Variants in ZNF540 observed in about 807,000 individuals in gnomAD.
ZNF540 encodes zinc finger protein 540, also known as CTD-3064H18.6.
A neutral mutation model predicts 11.8 loss-of-function variants in ZNF540; 3 were observed. The observed-to-expected ratio is 0.25, with a 90% CI of 0.12 to 0.65. ZNF540 has a LOEUF of 0.65. Ranked by LOEUF, ZNF540 falls within the 30% of genes least tolerant of loss-of-function variation. The pLI is 0.83. For missense variants in ZNF540, 709 were observed against 793.1 expected (o/e 0.89, Z 1.27); for synonymous variants, 247 against 259.0 (o/e 0.95, Z 0.45).
At chr19:37,597,940 C>T (rs1369991203) in intron 1 of ZNF540, among the ~76,000 whole-genome samples, 2 of 152,240 alleles carry the variant, frequency 1.3e-5, no homozygotes, top group East Asian at 3.9e-4. Context: ...AGGTTGCAAA[C>T]TCCTAGTCTG....
chr19:37,599,784 C>CT (rs1405467496), intron 3 of ZNF540, 32 bp downstream of exon 3: 1 of 1,526,342 alleles, frequency 6.6e-7, no homozygotes, highest in Middle Eastern at 1.8e-4. Flanking sequence ...AATGTAGACT[C>CT]TGTTATCTGA....
At chr19:37,568,694 G>A (rs531163436) in intron 1 of ZNF540, among the ~76,000 whole-genome samples, 2 of 152,236 alleles carry the variant, frequency 1.3e-5, no homozygotes, top group Non-Finnish European at 2.9e-5. Flanking sequence ...CCAGAATGAG[G>A]AGTACATATA....
chr19:37,601,948 G>GC (rs765199070), intron 4 of ZNF540, among the ~76,000 whole-genome samples: 4 of 152,158 alleles, frequency 2.6e-5, no homozygotes, highest in Non-Finnish European at 5.9e-5. Flanking sequence ...GTGATTGAAA[G>GC]CCATAATCAA....
In ZNF540 at chr19:37,595,465, G is replaced by A. The variant is rs574464382; in HGVS notation, c.-73+370G>A. 2.0e-5 allele frequency: 3 copies of A among 152,296 alleles called. No homozygotes were observed. In the East Asian group the frequency reaches 5.8e-4, roughly 29 times the overall value. 9.4% of individuals were successfully genotyped at this position (152,296 alleles called of 1,614,324 possible). A position where few individuals can be genotyped will look rare whatever the true frequency, so the allele number is the denominator to read the frequency against. Reference sequence around the variant, plus strand: ...TAAGAAATTGATTTTTCTTTGCATGGTCATGAATTTAAAATAGATTCCCAT... The same window carrying A: ...TAAGAAATTGATTTTTCTTTGCATGATCATGAATTTAAAATAGATTCCCAT... On this transcript the variant is annotated intron_variant, in intron 1 of 4. Transcript: ENST00000316433.
intron 1 of ZNF540, chr19:37,566,218 C>T: frequency 1.9e-6 from 3 of 1,613,844 alleles, no homozygotes; most frequent in Non-Finnish European, 2.5e-6. Flanking sequence ...CCATATTCTC[C>T]CACTGGAGTG....
At chr19:37,584,134 G>T (rs748259461) in intron 1 of ZNF540, 2 of 1,612,506 alleles carry the variant, frequency 1.2e-6, no homozygotes, top group African/African-American at 2.7e-5. Flanking sequence ...GATTCTACAG[G>T]AATGATTCTG....
chr19:37,565,901 A>C (rs1472491025), intron 1 of ZNF540: 2 of 1,613,882 alleles, frequency 1.2e-6, no homozygotes, highest in Admixed American at 1.7e-5. Flanking sequence ...CTTTTTGCTA[A>C]AGGTATTCCT....
chr19:37,567,342 A>C (rs2042896500), intron 1 of ZNF540, among the ~76,000 whole-genome samples: 1 of 152,206 alleles, frequency 6.6e-6, no homozygotes, highest in Non-Finnish European at 1.5e-5. Flanking sequence ...ATGTTCCTTC[A>C]TTCATAAATC....
At chr19:37,605,394 A>T (rs1483897116) in intron 4 of ZNF540, among the ~76,000 whole-genome samples, 1 of 152,190 alleles carries the variant, frequency 6.6e-6, no homozygotes, top group Non-Finnish European at 1.5e-5. Context: ...TCATGCCTGT[A>T]ATCCCAGCAC....
intron 4 of ZNF540, among the ~76,000 whole-genome samples, chr19:37,609,634 G>A (rs769579457): frequency 6.6e-6 from 1 of 151,998 alleles, no homozygotes; most frequent in Non-Finnish European, 1.5e-5. Flanking sequence ...GATCACCTGA[G>A]GTCAGGAGTT....
At chr19:37,586,506 G>A (rs985059030) in intron 1 of ZNF540, 30 of 722,354 alleles carry the variant, frequency 4.2e-5, no homozygotes, top group Non-Finnish European at 6.9e-5. Flanking sequence ...AAAGCATTGA[G>A]AAGAATTGGG....
upstream of ZNF540, among the ~76,000 whole-genome samples, chr19:37,591,824 G>A (rs113873388): frequency 0.025 from 3,738 of 152,196 alleles, 162 homozygotes; most frequent in African/African-American, 0.085. Context: ...GATTACAGGC[G>A]TGAGCCACCA....
intron 1 of ZNF540, among the ~76,000 whole-genome samples, chr19:37,557,388 A>G (rs1201051987): frequency 6.6e-6 from 1 of 152,176 alleles, no homozygotes; most frequent in Non-Finnish European, 1.5e-5. Flanking sequence ...CTCCATGTAC[A>G]TGCACCGTAG....
At chr19:37,578,003 C>T (rs1012370629) in intron 1 of ZNF540, among the ~76,000 whole-genome samples, 2 of 152,184 alleles carry the variant, frequency 1.3e-5, no homozygotes, top group African/African-American at 4.8e-5. Context: ...AGATCAGCGG[C>T]AGCTTGAGAT....
At chr19:37,565,109 A>G (rs1439335541) in intron 1 of ZNF540, 1 of 1,613,238 alleles carries the variant, frequency 6.2e-7, no homozygotes, top group Admixed American at 1.7e-5. Flanking sequence ...ACCTGTATGA[A>G]TTCTCTGATG....
chr19:37,579,143 G>C (rs889147390), intron 1 of ZNF540, among the ~76,000 whole-genome samples: 13 of 152,162 alleles, frequency 8.5e-5, no homozygotes, highest in African/African-American at 3.1e-4. Context: ...TGTTCTGTAG[G>C]ACCCTGCATG....
intron 1 of ZNF540, among the ~76,000 whole-genome samples, chr19:37,561,220 G>A (rs1330182506): frequency 1.3e-5 from 2 of 152,012 alleles, no homozygotes. Context: ...GGGTGACAGA[G>A]AGCCCACCTC....
At chr19:37,558,060 G>A (rs1341357637) in intron 1 of ZNF540, among the ~76,000 whole-genome samples, 1 of 152,108 alleles carries the variant, frequency 6.6e-6, no homozygotes, top group Non-Finnish European at 1.5e-5. Flanking sequence ...TATTAGGGAG[G>A]GCTAAAGCAG....
chr19:37,558,445 G>A (rs2042684032), intron 1 of ZNF540, among the ~76,000 whole-genome samples: 1 of 152,058 alleles, frequency 6.6e-6, no homozygotes, highest in East Asian at 1.9e-4. Context: ...TCCTGGAGGT[G>A]CTCTAAAAAC....
Sources: gnomAD v4.1 joint callset for allele counts (sites outside exome capture counted in the v4.1 genomes callset) on GRCh38, gnomAD v4.1.1 for gene constraint, MANE v1.5 for transcripts, NCBI Gene and HGNC (gene_info 2026-07-23, HGNC 2026-07-21) for gene names.